Variants in GRIK3 observed in about 807,000 individuals in gnomAD.
GRIK3 encodes the protein glutamate ionotropic receptor kainate type subunit 3.
Under a neutral mutation model 102.5 loss-of-function variants are expected in GRIK3, and 29 were observed. That is an observed-to-expected ratio of 0.28 (90% confidence interval 0.21 to 0.39). The LOEUF is 0.39. Ranked by LOEUF, GRIK3 falls within the 10% of genes least tolerant of loss-of-function variation. The pLI, the probability that GRIK3 is intolerant of heterozygous loss-of-function variation, is 1.00. For synonymous variants in GRIK3, 511 were observed against 504.9 expected (o/e 1.01, Z -0.16); for missense variants, 908 against 1,252.4 (o/e 0.73, Z 4.15).
chr1:37,011,434 C>G (rs1642595227), intron 1 of GRIK3, among the ~76,000 whole-genome samples: 1 of 152,224 alleles, frequency 6.6e-6, no homozygotes, highest in Admixed American at 6.5e-5. Context: ...CATAGTCACT[C>G]AGTTCATCTC....
intron 1 of GRIK3, among the ~76,000 whole-genome samples, chr1:36,940,221 AC>A (rs934558399): frequency 7.2e-5 from 11 of 152,186 alleles, no homozygotes; most frequent in African/African-American, 2.6e-4. Context: ...AAGCAGCCCA[AC>A]CCCCAACTGG....
intron 1 of GRIK3, among the ~76,000 whole-genome samples, chr1:36,935,081 A>G (rs1205780310): frequency 6.6e-6 from 1 of 152,188 alleles, no homozygotes; most frequent in Admixed American, 6.5e-5. Flanking sequence ...TAATAACTCT[A>G]TTCTGTTACA....
At chr1:36,922,957 C>T (rs1342570670) in intron 1 of GRIK3, among the ~76,000 whole-genome samples, 1 of 152,152 alleles carries the variant, frequency 6.6e-6, no homozygotes, top group Admixed American at 6.5e-5. Context: ...AGGGTTGCAG[C>T]CTGGGAGCCC....
chr1:36,865,320 C>T (rs958239074), intron 5 of GRIK3, among the ~76,000 whole-genome samples: 1 of 152,122 alleles, frequency 6.6e-6, no homozygotes. Context: ...ATATCTTCTG[C>T]ATGGAAGAAG....
At chr1:36,884,435 G>A (rs1370328209) in intron 2 of GRIK3, among the ~76,000 whole-genome samples, 2 of 152,158 alleles carry the variant, frequency 1.3e-5, no homozygotes, top group Admixed American at 6.5e-5. Context: ...TGCCGTCTGG[G>A]GGTGTTGCAT....
At chr1:36,954,673 G>A (rs1318005163) in intron 1 of GRIK3, among the ~76,000 whole-genome samples, 2 of 152,226 alleles carry the variant, frequency 1.3e-5, no homozygotes, top group Admixed American at 1.3e-4. Context: ...TGGGGAAAGA[G>A]TGTGCATGCA....
At chr1:37,029,901 C>T (rs370079651) in intron 1 of GRIK3, among the ~76,000 whole-genome samples, 231 of 152,340 alleles carry the variant, frequency 1.5e-3, no homozygotes, top group African/African-American at 5.2e-3. Flanking sequence ...GCCATCCTGC[C>T]GGCTACAGGA....
chr1:36,899,615 T>C (rs1641211113), intron 1 of GRIK3, among the ~76,000 whole-genome samples: 1 of 152,150 alleles, frequency 6.6e-6, no homozygotes, highest in African/African-American at 2.4e-5. Flanking sequence ...GTGCTGATGG[T>C]TGCACAACAT....
At chr1:36,984,871 CA>C (rs1178558485) in intron 1 of GRIK3, among the ~76,000 whole-genome samples, 2 of 152,174 alleles carry the variant, frequency 1.3e-5, no homozygotes, top group African/African-American at 4.8e-5. Context: ...AGGGGTGTCT[CA>C]GGCAGAGCCT....
At chr1:36,822,588 T>C (rs1054233998) in intron 11 of GRIK3, among the ~76,000 whole-genome samples, 8 of 151,960 alleles carry the variant, frequency 5.3e-5, no homozygotes, top group Non-Finnish European at 1.0e-4. Context: ...TGAGAGTAAA[T>C]AGGAGTTAGA....
chr1:36,881,191 T>C (rs900698059), intron 2 of GRIK3, among the ~76,000 whole-genome samples: 2 of 152,156 alleles, frequency 1.3e-5, no homozygotes, highest in Non-Finnish European at 2.9e-5. Context: ...CCACATTCAA[T>C]GTTACCATCC....
At chr1:36,973,058 C>A (rs2124359437) in intron 1 of GRIK3, among the ~76,000 whole-genome samples, 1 of 152,304 alleles carries the variant, frequency 6.6e-6, no homozygotes, top group South Asian at 2.1e-4. Context: ...TGACCCATGC[C>A]AGTCTGGTAT....
intron 1 of GRIK3, among the ~76,000 whole-genome samples, chr1:36,976,199 G>T (rs995146113): frequency 6.6e-6 from 1 of 152,082 alleles, no homozygotes; most frequent in Non-Finnish European, 1.5e-5. Context: ...CCAACCTCAG[G>T]CATTTGAGTG....
At chr1:37,022,482 C>A (rs1041160012) in intron 1 of GRIK3, among the ~76,000 whole-genome samples, 1 of 152,192 alleles carries the variant, frequency 6.6e-6, no homozygotes, top group Non-Finnish European at 1.5e-5. Context: ...AGGAACAAGA[C>A]AATGAATGTA....
In GRIK3 at chr1:36,819,412, G is replaced by A. The variant is rs1467006174; in HGVS notation, c.1873+324C>T. 2.0e-5 allele frequency among the ~76,000 whole-genome samples: 3 copies of A among 152,210 alleles called. No homozygotes were observed. In the East Asian group the frequency reaches 5.8e-4, roughly 29 times the overall value. On this transcript the variant is annotated intron_variant, in intron 12 of 15. Transcript: ENST00000373091. This position sits in a 1 kb window ranked among gnomAD's most constrained non-coding sequence, Gnocchi z 4.1. ...TGGATTGTGTGGTGATGAGGCCATGGGCAGGGTCAGCCGCAGCCAGCAGGG... is the reference window on the plus strand; with the variant it reads ...TGGATTGTGTGGTGATGAGGCCATGAGCAGGGTCAGCCGCAGCCAGCAGGG...
At chr1:36,818,860 C>T (rs945708133) in intron 12 of GRIK3, among the ~76,000 whole-genome samples, 2 of 152,196 alleles carry the variant, frequency 1.3e-5, no homozygotes, top group Non-Finnish European at 1.5e-5. Flanking sequence ...CTCAGTGAAA[C>T]TCTAACAGCA....
intron 1 of GRIK3, among the ~76,000 whole-genome samples, chr1:37,030,535 A>ACCCC (rs1312336665): frequency 1.4e-5 from 1 of 69,908 alleles, no homozygotes; most frequent in Non-Finnish European, 2.9e-5. Context: ...CCTTTTCCCC[A>ACCCC]CCCCCCACCC....
At chr1:36,805,357 G>A in intron 14 of GRIK3, 120 bp from the exon 15 acceptor site, 14 of 1,007,196 alleles carry the variant, frequency 1.4e-5, no homozygotes, top group Non-Finnish European at 2.0e-5. Flanking sequence ...ATGAAAGGGG[G>A]TCCCTATCCC....
At chr1:36,855,477 G>C (rs943262197) in intron 7 of GRIK3, among the ~76,000 whole-genome samples, 2 of 152,206 alleles carry the variant, frequency 1.3e-5, no homozygotes, top group African/African-American at 4.8e-5. Context: ...GGGTAGTTGG[G>C]TAAATGTGCA....
Sources: allele counts gnomAD v4.1 joint callset (sites outside exome capture counted in the v4.1 genomes callset), GRCh38; gene constraint gnomAD v4.1.1; non-coding constraint Gnocchi (gnomAD v3.1); transcripts MANE v1.5; gene names NCBI Gene and HGNC (gene_info 2026-07-23, HGNC 2026-07-21).